Variants in CMTM8 observed in about 807,000 individuals in gnomAD.
CMTM8 encodes CKLF-like MARVEL transmembrane domain-containing protein 8.
Under a neutral mutation model 18.6 loss-of-function variants are expected in CMTM8, and 12 were observed. The observed-to-expected ratio is 0.65, with a 90% CI of 0.41 to 1.05. CMTM8 has a LOEUF of 1.05. Ranked by LOEUF, CMTM8 falls within the 50% of genes least tolerant of loss-of-function variation. CMTM8 has a pLI of 0.00. For missense variants in CMTM8, 217 were observed against 227.2 expected (o/e 0.95, Z 0.29); for synonymous variants, 87 against 90.6 (o/e 0.96, Z 0.23).
At chr3:32,243,506 G>A (rs1701972189) in intron 1 of CMTM8, among the ~76,000 whole-genome samples, 1 of 149,772 alleles carries the variant, frequency 6.7e-6, no homozygotes, top group Non-Finnish European at 1.5e-5. Context: ...ATTCCAACCT[G>A]GGTAACATTG....
chr3:32,251,021 A>G (rs1475868366), intron 1 of CMTM8, among the ~76,000 whole-genome samples: 4 of 152,224 alleles, frequency 2.6e-5, no homozygotes, highest in African/African-American at 9.6e-5. Context: ...AAAGTTATAC[A>G]AAAAAGTTCA....
chr3:32,331,551 CA>C (rs370967984), intron 1 of CMTM8, among the ~76,000 whole-genome samples: 1,566 of 138,086 alleles, frequency 0.011, 20 homozygotes, highest in African/African-American at 0.03. Context: ...ATAAACCATA[CA>C]AAAAAAAAAA....
At chr3:32,280,235 CT>C (rs2125549229) in intron 1 of CMTM8, among the ~76,000 whole-genome samples, 1 of 152,204 alleles carries the variant, frequency 6.6e-6, no homozygotes, top group Non-Finnish European at 1.5e-5. Flanking sequence ...CTGATTCACG[CT>C]GATTTCCTAG....
At chr3:32,352,418 A>G (rs1696728202) in intron 1 of CMTM8, among the ~76,000 whole-genome samples, 2 of 152,218 alleles carry the variant, frequency 1.3e-5, no homozygotes, top group Admixed American at 1.3e-4. Context: ...ACTTGTTAGA[A>G]GTGCAGATTC....
chr3:32,353,784 A>ATTT (rs10648596), intron 1 of CMTM8, among the ~76,000 whole-genome samples: 35 of 134,052 alleles, frequency 2.6e-4, no homozygotes, highest in Admixed American at 3.8e-4. Context: ...TTCTGTGTTA[A>ATTT]TTTTTTTTTT....
chr3:32,241,450 C>T (rs560230300), intron 1 of CMTM8, among the ~76,000 whole-genome samples: 5 of 152,226 alleles, frequency 3.3e-5, no homozygotes, highest in South Asian at 2.1e-4. Context: ...TAATGATATT[C>T]GGTAGATATT....
At chr3:32,263,381 C>A (rs1293705324) in intron 1 of CMTM8, among the ~76,000 whole-genome samples, 1 of 152,232 alleles carries the variant, frequency 6.6e-6, no homozygotes, top group Non-Finnish European at 1.5e-5. Context: ...AGACCTGCAG[C>A]TGAGGGTCCT....
chr3:32,256,283 G>C (rs994053733), intron 1 of CMTM8, among the ~76,000 whole-genome samples: 2 of 151,776 alleles, frequency 1.3e-5, no homozygotes, highest in Non-Finnish European at 2.9e-5. Context: ...TTGCCCAGGC[G>C]GGTCTCCAAT....
At chr3:32,334,221 A>G (rs186133279) in intron 1 of CMTM8, among the ~76,000 whole-genome samples, 2,416 of 150,442 alleles carry the variant, frequency 0.016, 28 homozygotes, top group Middle Eastern at 0.028. Context: ...CAGGTGATCC[A>G]CCCGCCTCTG....
chr3:32,304,474 C>A (rs1307003608), intron 1 of CMTM8, among the ~76,000 whole-genome samples: 1 of 152,178 alleles, frequency 6.6e-6, no homozygotes, highest in African/African-American at 2.4e-5. Context: ...TTCCATTGCT[C>A]CTTTATTTGT....
intron 1 of CMTM8, among the ~76,000 whole-genome samples, chr3:32,280,097 A>T (rs974080273): frequency 6.6e-6 from 1 of 152,142 alleles, no homozygotes; most frequent in Non-Finnish European, 1.5e-5. Context: ...AGCACTTCGT[A>T]GTGGCCACCA....
At chr3:32,369,270 C>T (rs1385409733) in intron 3 of CMTM8, among the ~76,000 whole-genome samples, 5 of 152,124 alleles carry the variant, frequency 3.3e-5, no homozygotes, top group South Asian at 4.1e-4. Flanking sequence ...GCCAAGATCA[C>T]GCCATTGCAC....
At chr3:32,335,300 A>C (rs1439693162) in intron 1 of CMTM8, among the ~76,000 whole-genome samples, 1 of 152,092 alleles carries the variant, frequency 6.6e-6, no homozygotes, top group Non-Finnish European at 1.5e-5. Context: ...CATCCTCTCT[A>C]CCTTGAGCAT....
At chr3:32,279,167 A>ATTT (rs10671462) in intron 1 of CMTM8, among the ~76,000 whole-genome samples, 8,378 of 146,788 alleles carry the variant, frequency 0.057, 269 homozygotes, top group South Asian at 0.07. Context: ...ATAATTAGTG[A>ATTT]TTTTTTTTTT....
At chr3:32,326,663 C>T (rs554334958) in intron 1 of CMTM8, among the ~76,000 whole-genome samples, 3 of 151,990 alleles carry the variant, frequency 2.0e-5, no homozygotes, top group East Asian at 3.9e-4. Context: ...ACTACAGGTG[C>T]GTACCATCAT....
At chr3:32,353,580 T>A (rs955198077) in intron 1 of CMTM8, among the ~76,000 whole-genome samples, 2 of 152,148 alleles carry the variant, frequency 1.3e-5, no homozygotes, top group Non-Finnish European at 2.9e-5. Flanking sequence ...TATTACTGAC[T>A]GAAAGAAGCA....
chr3:32,265,196 G>C (rs1356347092), intron 1 of CMTM8, among the ~76,000 whole-genome samples: 1 of 152,098 alleles, frequency 6.6e-6, no homozygotes, highest in Non-Finnish European at 1.5e-5. Context: ...TGACCACATA[G>C]TTGGAAGTAA....
At chr3:32,261,573 G>A (rs1559364101) in intron 1 of CMTM8, among the ~76,000 whole-genome samples, 1 of 152,178 alleles carries the variant, frequency 6.6e-6, no homozygotes, top group Non-Finnish European at 1.5e-5. Flanking sequence ...TTTATGAGTA[G>A]CACTGTTTCT....
chr3:32,369,833 T>TA, intron 3 of CMTM8, 51 bp from the exon 4 acceptor site: 1 of 1,198,796 alleles, frequency 8.3e-7, no homozygotes, highest in Non-Finnish European at 1.2e-6. Context: ...TAACTTTTGC[T>TA]AATTAGGATG....
Sources: allele counts gnomAD v4.1 joint callset (sites outside exome capture counted in the v4.1 genomes callset), GRCh38; gene constraint gnomAD v4.1.1; transcripts MANE v1.5; gene names NCBI Gene and HGNC (gene_info 2026-07-23, HGNC 2026-07-21).